ATL2: variants seen among roughly 807,000 people sequenced by gnomAD.
ATL2 encodes the protein atlastin GTPase 2.
ATL2 carries 31 observed loss-of-function variants against 73.9 expected under a neutral mutation model. The ratio of observed to expected loss-of-function variants is 0.42; its 90% CI spans 0.32 to 0.57. The LOEUF is 0.57. Ranked by LOEUF, ATL2 falls within the 20% of genes least tolerant of loss-of-function variation. ATL2 has a pLI of 0.14. For missense variants in ATL2, 738 were observed against 702.6 expected (o/e 1.05, Z -0.57); for synonymous variants, 291 against 237.5 (o/e 1.23, Z -2.07).
chr2:38,331,310 C>G (rs777956548), intron 2 of ATL2, among the ~76,000 whole-genome samples: 1 of 151,952 alleles, frequency 6.6e-6, no homozygotes, highest in Non-Finnish European at 1.5e-5. Context: ...GTGGCGCACA[C>G]CTGTAGTCCC....
rs964714582 is a variant in ATL2, at chr2:38,294,357, G to C, written c.*1637C>G. On this transcript the variant is annotated 3_prime_UTR_variant, in exon 13 of 13. Coordinates refer to ENST00000378954, the MANE Select transcript of ATL2 (RefSeq NM_001135673.4). ...AGGTCAGGCGATTGAGACCATCCTG[G>C]CTAAAACGGTGAAACCCCATCTCTA... Among the ~76,000 whole-genome samples the C allele has an allele frequency of 2.0e-5, 3 of 152,200 alleles. No homozygotes were observed. The highest frequency in any genetic ancestry group is 2.0e-4 in the Admixed American group (3 of 15,280).
chr2:38,342,548 G>A (rs1396834534), intron 2 of ATL2, among the ~76,000 whole-genome samples: 2 of 152,126 alleles, frequency 1.3e-5, no homozygotes, highest in African/African-American at 4.8e-5. Flanking sequence ...ATCATGGATG[G>A]CTGCAGAAGC....
chr2:38,330,733 A>C (rs964006602), intron 2 of ATL2, among the ~76,000 whole-genome samples: 5 of 152,260 alleles, frequency 3.3e-5, no homozygotes, highest in African/African-American at 1.2e-4. Flanking sequence ...TTTGGATCTA[A>C]ATAAATGGAA....
intron 2 of ATL2, among the ~76,000 whole-genome samples, chr2:38,329,664 T>C (rs1297755378): frequency 6.6e-6 from 1 of 152,046 alleles, no homozygotes; most frequent in African/African-American, 2.4e-5. Flanking sequence ...TGCAGACCAG[T>C]ATATATCATG....
In ATL2 at chr2:38,345,381, T is replaced by C. The variant is rs553570614; in HGVS notation, c.119-1869A>G. 5.7e-4 allele frequency among the ~76,000 whole-genome samples: 87 copies of C among 152,310 alleles called. 2 individuals carry two copies. The highest frequency in any genetic ancestry group is 1.8e-3 in the African/African-American group (76 of 41,570). On this transcript the variant is annotated intron_variant, in intron 1 of 12. Transcript: ENST00000378954. ...AACTACATTAGTGGATTTTTAATCT[T>C]ATTACCAAAAGAAGCATCTCACTTA...
At chr2:38,329,492 C>T (rs541956241) in intron 2 of ATL2, among the ~76,000 whole-genome samples, 63 of 143,446 alleles carry the variant, frequency 4.4e-4, no homozygotes, top group African/African-American at 1.6e-3. Flanking sequence ...TTACAAAGCC[C>T]AACTGACTTC....
At chr2:38,364,457 A>C (rs942630248) in intron 1 of ATL2, among the ~76,000 whole-genome samples, 1 of 152,300 alleles carries the variant, frequency 6.6e-6, no homozygotes, top group East Asian at 1.9e-4. Flanking sequence ...CCCGAATATA[A>C]AGTGAGAAGC....
At chr2:38,297,980 AG>A (rs1666983125) in intron 12 of ATL2, 163 bp downstream of exon 12, 2 of 679,670 alleles carry the variant, frequency 2.9e-6, no homozygotes, top group Non-Finnish European at 2.4e-6. Context: ...ATAACTTTAA[AG>A]AAAAAATCTT....
intron 7 of ATL2, among the ~76,000 whole-genome samples, chr2:38,312,723 A>AAAAAAAG (rs572171542): frequency 1.3e-5 from 2 of 149,292 alleles, no homozygotes; most frequent in African/African-American, 5.1e-5. Flanking sequence ...AAAAAAAAAA[A>AAAAAAAG]AAGAAGGTGC....
chr2:38,342,853 A>G (rs1363663603), intron 2 of ATL2, among the ~76,000 whole-genome samples: 1 of 152,166 alleles, frequency 6.6e-6, no homozygotes, highest in East Asian at 1.9e-4. Flanking sequence ...GCGATGAAGA[A>G]TCAAGAGCTC....
At chr2:38,337,778 T>A (rs1319650429) in intron 2 of ATL2, among the ~76,000 whole-genome samples, 2 of 152,074 alleles carry the variant, frequency 1.3e-5, no homozygotes, top group African/African-American at 2.4e-5. Context: ...TATTATTGCC[T>A]ACTTTTACAT....
At chr2:38,357,979 C>G (rs1403962944) in intron 1 of ATL2, among the ~76,000 whole-genome samples, 2 of 152,178 alleles carry the variant, frequency 1.3e-5, no homozygotes, top group African/African-American at 2.4e-5. Context: ...ATTTCCTCCA[C>G]AGCAGTGCTA....
intron 5 of ATL2, 88 bp downstream of exon 5, chr2:38,315,196 A>C: frequency 7.8e-7 from 1 of 1,286,870 alleles, no homozygotes; most frequent in East Asian, 3.4e-5. Context: ...GGTTGCAGTG[A>C]ACCAAGATTG....
intron 2 of ATL2, among the ~76,000 whole-genome samples, chr2:38,321,740 T>C (rs1668332933): frequency 6.6e-6 from 1 of 151,834 alleles, no homozygotes. Context: ...TGAGACAGGG[T>C]CTCACTCTGT....
chr2:38,306,288 G>A (rs952438051), intron 9 of ATL2, among the ~76,000 whole-genome samples: 1 of 152,166 alleles, frequency 6.6e-6, no homozygotes, highest in African/African-American at 2.4e-5. Context: ...AAAGCTAATG[G>A]CTTCATTGCT....
At position 38,318,521 on chromosome 2, in the gene ATL2, A is replaced by C. The variant is rs765533226; in HGVS notation, c.603+14T>G. ...TTACGTGAACTGATCGCACCACTTAATCTTGTGTCTCACCTGGACAGAGCT... is the reference window on the plus strand; with the variant it reads ...TTACGTGAACTGATCGCACCACTTACTCTTGTGTCTCACCTGGACAGAGCT... On this transcript the variant is annotated intron_variant, in intron 4 of 12. Transcript: ENST00000378954. The C allele has an allele frequency of 1.9e-6, 3 of 1,558,664 alleles. No individual in the cohort carries two copies. The highest frequency in any genetic ancestry group is 1.2e-5 in the South Asian group (1 of 83,746).
intron 9 of ATL2, among the ~76,000 whole-genome samples, chr2:38,303,888 T>A (rs892457001): frequency 1.3e-5 from 2 of 152,108 alleles, no homozygotes; most frequent in African/African-American, 4.8e-5. Flanking sequence ...TCCCAGCACT[T>A]TGGGAGGTCA....
intron 1 of ATL2, among the ~76,000 whole-genome samples, chr2:38,358,237 GA>G (rs898228396): frequency 3.3e-5 from 5 of 151,980 alleles, no homozygotes; most frequent in African/African-American, 9.7e-5. Flanking sequence ...TTTCAAGGAA[GA>G]AAAAAAGTTT....
chr2:38,349,662 T>TA (rs1430749588), intron 1 of ATL2, among the ~76,000 whole-genome samples: 2 of 150,876 alleles, frequency 1.3e-5, no homozygotes, highest in South Asian at 2.1e-4. Flanking sequence ...CCCTAAAACT[T>TA]AAAGTATAAT....
Sources: allele counts gnomAD v4.1 joint callset (sites outside exome capture counted in the v4.1 genomes callset), GRCh38; gene constraint gnomAD v4.1.1; transcripts MANE v1.5; gene names NCBI Gene and HGNC (gene_info 2026-07-23, HGNC 2026-07-21).